The following ROBO2 variants were observed in gnomAD, a reference collection of about 807,000 sequenced individuals.
The protein encoded by ROBO2 is roundabout homolog 2.
ROBO2 carries 53 observed loss-of-function variants against 160.8 expected under a neutral mutation model. The observed-to-expected ratio is 0.33, with a 90% confidence interval of 0.26 to 0.41. ROBO2 has a LOEUF of 0.41. Among genes scored for constraint, ROBO2 ranks in the 10% least tolerant of loss-of-function variants. The pLI is 1.00. For missense variants in ROBO2, 1,577 were observed against 1,722.4 expected, an observed-to-expected ratio of 0.92 and a Z score of 1.49; for synonymous variants, 664 against 611.7, an observed-to-expected ratio of 1.09 and a Z score of -1.26.
At position 77,648,802 on chromosome 3, in the gene ROBO2, C is replaced by A. The variant is rs540041175; in HGVS notation, c.*2747C>A. Reference sequence around the variant, plus strand: ...CCACAGCAGTTTCTCGTTTCATAGCCGATTCAATGAATATGATTAGAAATT... The same window carrying A: ...CCACAGCAGTTTCTCGTTTCATAGCAGATTCAATGAATATGATTAGAAATT... On this transcript the variant is annotated 3_prime_UTR_variant, in exon 26 of 26. Coordinates refer to ENST00000461745, the Ensembl canonical transcript of ROBO2. 1.7e-3 allele frequency: 256 copies of A among 152,138 alleles called. 2 individuals carry two copies. The highest frequency in any genetic ancestry group is 5.6e-3 in the African/African-American group (231 of 41,510). 9.4% of individuals were successfully genotyped at this position (152,138 alleles called of 1,614,324 possible).
intron 20 of ROBO2, among the ~76,000 whole-genome samples, chr3:77,605,278 T>C (rs1028294190): frequency 4.6e-5 from 7 of 151,806 alleles, no homozygotes; most frequent in African/African-American, 9.7e-5. Flanking sequence ...AAAGATAATA[T>C]AAGAAATTCT....
intron 2 of ROBO2, among the ~76,000 whole-genome samples, chr3:77,240,022 G>A (rs141780658): frequency 0.011 from 1,647 of 152,330 alleles, 10 homozygotes; most frequent in Non-Finnish European, 0.018. Flanking sequence ...GAGCCCAGTT[G>A]GCTTTGCCTA....
At chr3:76,520,496 TAA>T (rs2081553107) in intron 2 of ROBO2, among the ~76,000 whole-genome samples, 1 of 152,140 alleles carries the variant, frequency 6.6e-6, no homozygotes, top group Admixed American at 6.5e-5. Context: ...TAGCATCCTA[TAA>T]AGAGTAGTGG....
At chr3:77,203,811 A>G (rs2083149805) in intron 2 of ROBO2, among the ~76,000 whole-genome samples, 1 of 152,204 alleles carries the variant, frequency 6.6e-6, no homozygotes, top group South Asian at 2.1e-4. Context: ...TGAGACAGGA[A>G]CTTTATTCAC....
chr3:76,609,332 G>C (rs1177805780), intron 2 of ROBO2, among the ~76,000 whole-genome samples: 3 of 151,966 alleles, frequency 2.0e-5, no homozygotes, highest in East Asian at 1.9e-4. Context: ...GGACAGGTTT[G>C]GCTATTCTTG....
intron 2 of ROBO2, among the ~76,000 whole-genome samples, chr3:75,993,914 A>T (rs2065647835): frequency 6.6e-6 from 1 of 152,204 alleles, no homozygotes; most frequent in African/African-American, 2.4e-5. Flanking sequence ...AAGTTACATT[A>T]GGAGCGTGTA....
chr3:77,289,716 C>A (rs559577915), intron 2 of ROBO2, among the ~76,000 whole-genome samples: 2 of 146,418 alleles, frequency 1.4e-5, no homozygotes, highest in Non-Finnish European at 3.0e-5. Flanking sequence ...GTAAAATTGA[C>A]GGTTAAACGG....
At chr3:77,146,427 T>C (rs1056361321) in intron 2 of ROBO2, among the ~76,000 whole-genome samples, 4 of 152,144 alleles carry the variant, frequency 2.6e-5, no homozygotes, top group Non-Finnish European at 4.4e-5. Context: ...AAATCATTTT[T>C]TTCCCCTTTT....
chr3:76,067,161 A>C (rs2068282013), intron 2 of ROBO2, among the ~76,000 whole-genome samples: 1 of 152,182 alleles, frequency 6.6e-6, no homozygotes, highest in Non-Finnish European at 1.5e-5. Flanking sequence ...GATTTGACAC[A>C]AATCAGAAAT....
intron 2 of ROBO2, among the ~76,000 whole-genome samples, chr3:76,338,002 C>T (rs948447249): frequency 6.6e-6 from 1 of 152,106 alleles, no homozygotes; most frequent in Non-Finnish European, 1.5e-5. Context: ...TGATTACATA[C>T]TCTGGCTTTC....
At chr3:77,252,831 A>AAAAAATATATATATATATATATATAT in intron 2 of ROBO2, among the ~76,000 whole-genome samples, 1 of 12,518 alleles carries the variant, frequency 8.0e-5, no homozygotes, top group Non-Finnish European at 2.1e-4. Context: ...AAAAAAAAAA[A>AAAAAATATATATATATATATATATAT]ATATATATAT....
chr3:76,241,712 T>C (rs887721552), intron 2 of ROBO2, among the ~76,000 whole-genome samples: 1 of 152,218 alleles, frequency 6.6e-6, no homozygotes, highest in Admixed American at 6.5e-5. Context: ...GGATTGTTGC[T>C]AATTGTGTCT....
At chr3:76,252,361 C>T (rs984188213) in intron 2 of ROBO2, among the ~76,000 whole-genome samples, 6 of 151,988 alleles carry the variant, frequency 3.9e-5, no homozygotes, top group African/African-American at 1.2e-4. Context: ...ATGTATTTGA[C>T]GTACTCAAAC....
At chr3:77,418,914 C>A (rs563144643) in intron 2 of ROBO2, among the ~76,000 whole-genome samples, 1 of 152,026 alleles carries the variant, frequency 6.6e-6, no homozygotes, top group South Asian at 2.1e-4. Flanking sequence ...TGGTTGCAAT[C>A]AGGAGAAAGG....
intron 2 of ROBO2, among the ~76,000 whole-genome samples, chr3:76,726,677 T>C (rs187284450): frequency 5.3e-5 from 8 of 152,352 alleles, no homozygotes; most frequent in Admixed American, 2.0e-4. Flanking sequence ...TTTTCTGAAA[T>C]AATCCTTTCC....
intron 2 of ROBO2, among the ~76,000 whole-genome samples, chr3:76,648,718 A>G (rs2091106680): frequency 6.6e-6 from 1 of 152,120 alleles, no homozygotes; most frequent in Non-Finnish European, 1.5e-5. Context: ...ATGAGTATCC[A>G]CTGTACTATT....
intron 2 of ROBO2, among the ~76,000 whole-genome samples, chr3:76,949,252 C>T (rs1366928037): frequency 6.6e-6 from 1 of 152,162 alleles, no homozygotes; most frequent in Non-Finnish European, 1.5e-5. Flanking sequence ...TTGTTTCTCT[C>T]ATGTGTTTCT....
chr3:75,908,675 G>GA lies in ROBO2; in HGVS notation c.-14+1723dup, dbSNP rs890926587. On this transcript the variant is annotated intron_variant, in intron 1 of 26. Transcript: ENST00000487694. ...ATAATTATATATGAACATGCTATAT[G>GA]AAAAAAAAGCATTTCTTATTTTTCT... 3.3e-5 allele frequency among the ~76,000 whole-genome samples: 5 copies of GA among 151,482 alleles called. No homozygotes were observed. The East Asian group carries it at 9.7e-4, about 29-fold the overall frequency.
intron 2 of ROBO2, among the ~76,000 whole-genome samples, chr3:76,915,223 A>G (rs1321565058): frequency 6.6e-6 from 1 of 152,176 alleles, no homozygotes. Flanking sequence ...CCCCGTGCTT[A>G]GCCATGTCTA....
Sources: gnomAD v4.1 joint callset for allele counts (sites outside exome capture counted in the v4.1 genomes callset) on GRCh38, gnomAD v4.1.1 for gene constraint, MANE v1.5 for transcripts, NCBI Gene and HGNC (gene_info 2026-07-23, HGNC 2026-07-21) for gene names.